Variants in NCBP3 observed in about 807,000 individuals in gnomAD.
The protein encoded by NCBP3 is nuclear cap binding subunit 3.
NCBP3 carries 20 observed loss-of-function variants against 75.7 expected under a neutral mutation model. The ratio of observed to expected loss-of-function variants is 0.26; its 90% confidence interval spans 0.19 to 0.38. The LOEUF (loss-of-function observed/expected upper bound fraction) is 0.38. Ranked by LOEUF, NCBP3 falls within the 10% of genes least tolerant of loss-of-function variation. The pLI, the probability that NCBP3 is intolerant of heterozygous loss-of-function variation, is 1.00. For missense variants in NCBP3, 678 were observed against 796.9 expected, an observed-to-expected ratio of 0.85 and a Z score of 1.80; for synonymous variants, 293 against 290.5, an observed-to-expected ratio of 1.01 and a Z score of -0.09.
At position 3,843,934 on chromosome 17, in the gene NCBP3, T is replaced by C. The variant is rs971101195; in HGVS notation, c.184-783A>G. On this transcript the variant is annotated intron_variant, in intron 1 of 12. Transcript: ENST00000389005. Reference sequence around the variant, plus strand: ...AAGAAGCCCCATCCTAGTGATTCCATGGTATCAATCAACCACTCCAATAAG... The same window carrying C: ...AAGAAGCCCCATCCTAGTGATTCCACGGTATCAATCAACCACTCCAATAAG... 5.3e-5 allele frequency among the ~76,000 whole-genome samples: 8 copies of C among 152,296 alleles called. No homozygotes were observed. In the East Asian group the frequency reaches 5.8e-4, roughly 11 times the overall value.
rs1257271457 is a variant in NCBP3, at chr17:3,804,168, A to G, written c.*8876T>C. 3.9e-5 allele frequency: 6 copies of G among 152,364 alleles called. No individual in the cohort carries two copies. The highest frequency in any genetic ancestry group is 1.4e-4 in the African/African-American group (6 of 41,578). The allele number at this position is 152,364 out of a possible 1,614,324, so 9.4% of individuals were successfully genotyped here. A position where few individuals can be genotyped will look rare whatever the true frequency, so the allele number is the denominator to read the frequency against. On this transcript the variant is annotated 3_prime_UTR_variant, in exon 13 of 13. Coordinates refer to ENST00000389005, the MANE Select transcript of NCBP3 (RefSeq NM_001114118.3). ...GAGCCCAGGAGTTTGAGTCCAATCTAGACAACATAGTATGAACCTGTCTCT... is the reference window on the plus strand; with the variant it reads ...GAGCCCAGGAGTTTGAGTCCAATCTGGACAACATAGTATGAACCTGTCTCT...
At chr17:3,814,540 A>T in intron 11 of NCBP3, 57 bp from the exon 12 acceptor site, 1 of 1,584,712 alleles carries the variant, frequency 6.3e-7, no homozygotes, top group African/African-American at 1.3e-5. Context: ...GCTCGGCACC[A>T]GCCGCCTGAC....
intron 3 of NCBP3, among the ~76,000 whole-genome samples, chr17:3,838,359 G>A (rs1039951727): frequency 2.6e-5 from 4 of 152,368 alleles, no homozygotes; most frequent in Middle Eastern, 6.8e-3. Context: ...ACGCCCTCGC[G>A]GTAGAGTTGT....
chr17:3,824,413 TAC>T (rs199559214), intron 7 of NCBP3: 6,549 of 149,576 alleles, frequency 0.044, 208 homozygotes, highest in Admixed American at 0.093. Flanking sequence ...TATATACACA[TAC>T]ACATACATAC....
At position 3,846,219 on chromosome 17, in the gene NCBP3, G is replaced by A; in HGVS notation, c.5C>T (p.Ala2Val). The A allele has an allele frequency of 2.8e-6, 4 of 1,431,092 alleles. No homozygotes were observed. Among genetic ancestry groups the A allele is most frequent in the African/African-American group, 1.5e-5 (1 of 66,090 alleles). 88.6% of individuals were successfully genotyped at this position (1,431,092 alleles called of 1,614,324 possible). The part of the protein sequence containing the change: M[A>V]AVRGLRVSVK... ...CGACACCCGCAGGCCCCGTACGGCC[G>A]CCATCGCTGCCTGCCGGCCGCACCA... Residue 2 changes from alanine (A) to valine (V), a missense_variant, in exon 1 of 13, where the codon GCG (alanine) becomes GTG (valine). Ala to Val is a moderately conservative substitution (Grantham distance 64). Around this residue, in one of 7 missense-constraint regions of NCBP3, gnomAD observed 76 missense variants for 53.8 expected, o/e 1.41. Coordinates refer to ENST00000389005, the MANE Select transcript of NCBP3 (RefSeq NM_001114118.3). This position sits in a 1 kb window ranked among gnomAD's most constrained non-coding sequence, Gnocchi z 4.6.
Position 3,818,408 on chromosome 17 carries a change from A to T in NCBP3, c.1165T>A (p.Ser389Thr). The T allele has an allele frequency of 1.2e-6, 2 of 1,614,032 alleles. No homozygotes were observed. Among genetic ancestry groups the T allele is most frequent in the Non-Finnish European group, 1.7e-6 (2 of 1,180,004 alleles). Reference sequence around the variant, plus strand: ...GAGCTGCTGGCACTGGATCGTCTAGACGCGCTCCGCTCCCGGGGCTGCTTG... The same window carrying T: ...GAGCTGCTGGCACTGGATCGTCTAGTCGCGCTCCGCTCCCGGGGCTGCTTG... ...ALKQPRERSASRRSSASSSDS... is the reference protein window; with the variant it reads ...ALKQPRERSATRRSSASSSDS... Residue 389 changes from serine to threonine, a missense_variant, in exon 10 of 13, where the codon TCT (serine) becomes ACT (threonine). By Grantham distance (58) the Ser-to-Thr change is moderately conservative (BLOSUM62 1). Coordinates refer to ENST00000389005, the MANE Select transcript of NCBP3 (RefSeq NM_001114118.3). This position sits in a 1 kb window ranked among gnomAD's most constrained non-coding sequence, Gnocchi z 4.7.
At position 3,818,844 on chromosome 17, in the gene NCBP3, T is replaced by C. The variant is rs1352102684; in HGVS notation, c.1001-272A>G. 2.0e-5 allele frequency among the ~76,000 whole-genome samples: 3 copies of C among 152,298 alleles called. No homozygotes were observed. The East Asian group carries it at 5.8e-4, about 29-fold the overall frequency. On this transcript the variant is annotated intron_variant, in intron 9 of 12. Coordinates refer to ENST00000389005, the MANE Select transcript of NCBP3 (RefSeq NM_001114118.3). This position sits in a 1 kb window ranked among gnomAD's most constrained non-coding sequence, Gnocchi z 4.7. ...ATTCACAGATTTTGTATTTGCAAAT[T>C]TACCAAATTTATTTGTAACTCCAAA...
intron 3 of NCBP3, among the ~76,000 whole-genome samples, chr17:3,831,451 T>C (rs1243540966): frequency 6.6e-6 from 1 of 150,436 alleles, no homozygotes; most frequent in South Asian, 2.1e-4. Flanking sequence ...CAGGTGCCTG[T>C]AGTCCCAGCT....
chr17:3,823,051 C>T (rs560972833), intron 7 of NCBP3, among the ~76,000 whole-genome samples: 12 of 152,322 alleles, frequency 7.9e-5, no homozygotes, highest in South Asian at 2.1e-4. Flanking sequence ...CGATGGCTCA[C>T]GCCTGTAATC....
chr17:3,838,209 G>C (rs1383486601), intron 3 of NCBP3, among the ~76,000 whole-genome samples: 1 of 152,162 alleles, frequency 6.6e-6, no homozygotes, highest in African/African-American at 2.4e-5. Context: ...GCTCCACGGG[G>C]GAAGTGACAC....
At chr17:3,831,775 G>C (rs2143689583) in intron 3 of NCBP3, among the ~76,000 whole-genome samples, 1 of 120,802 alleles carries the variant, frequency 8.3e-6, no homozygotes. Flanking sequence ...TAAGAAAATA[G>C]AAAGAACAAG....
At chr17:3,836,876 C>T (rs1032314595) in intron 3 of NCBP3, among the ~76,000 whole-genome samples, 2 of 151,984 alleles carry the variant, frequency 1.3e-5, no homozygotes, top group African/African-American at 2.4e-5. Flanking sequence ...GATGGCCTGG[C>T]GCAATGGCTC....
intron 2 of NCBP3, among the ~76,000 whole-genome samples, chr17:3,842,558 C>T (rs1265977275): frequency 6.6e-6 from 1 of 152,188 alleles, no homozygotes; most frequent in African/African-American, 2.4e-5. Flanking sequence ...TTCTTGGAAA[C>T]GGTTCAACAC....
chr17:3,824,903 T>C, intron 7 of NCBP3, 39 bp downstream of exon 7: 1 of 1,167,020 alleles, frequency 8.6e-7, no homozygotes, highest in Non-Finnish European at 1.2e-6. Flanking sequence ...TAAATCATTT[T>C]GATTGAAAAT....
Position 3,845,148 on chromosome 17 carries a change from T to C in NCBP3, c.183+893A>G, listed in dbSNP as rs74961020. ...GCACTAAAGGCGTGCACGGCCAGTA[T>C]ATTTAAGTGACACAATATAGTGAAT... On this transcript the variant is annotated intron_variant, in intron 1 of 12. Coordinates refer to ENST00000389005, the MANE Select transcript of NCBP3 (RefSeq NM_001114118.3). Among the ~76,000 whole-genome samples, 840 of 152,304 alleles carry C rather than the reference T, an allele frequency of 5.5e-3. 7 individuals are homozygous for C. Among genetic ancestry groups the C allele is most frequent in the Middle Eastern group, 0.017 (5 of 294 alleles).
At chr17:3,844,131 T>G (rs888363471) in intron 1 of NCBP3, among the ~76,000 whole-genome samples, 1 of 151,996 alleles carries the variant, frequency 6.6e-6, no homozygotes, top group East Asian at 1.9e-4. Flanking sequence ...AGCACAACCC[T>G]CCACCTCAAC....
chr17:3,839,521 T>C (rs1470222276), intron 3 of NCBP3, among the ~76,000 whole-genome samples: 2 of 152,140 alleles, frequency 1.3e-5, no homozygotes, highest in Non-Finnish European at 2.9e-5. Flanking sequence ...CTGATTTTTG[T>C]AGTTTTAGTA....
chr17:3,814,000 A>C (rs2053476433), intron 12 of NCBP3, among the ~76,000 whole-genome samples: 1 of 152,204 alleles, frequency 6.6e-6, no homozygotes, highest in African/African-American at 2.4e-5. Flanking sequence ...AAAATGTGGC[A>C]AACAACTACG....
At chr17:3,821,110 C>A in intron 9 of NCBP3, 139 bp downstream of exon 9, 1 of 523,088 alleles carries the variant, frequency 1.9e-6, no homozygotes, top group South Asian at 3.0e-5. Flanking sequence ...ACTTGACTTA[C>A]TTTCCTATAT....
Sources: allele counts gnomAD v4.1 joint callset (sites outside exome capture counted in the v4.1 genomes callset), GRCh38; gene constraint gnomAD v4.1.1; regional missense constraint gnomAD v4.1.1; non-coding constraint Gnocchi (gnomAD v3.1); transcripts MANE v1.5; gene names NCBI Gene and HGNC (gene_info 2026-07-23, HGNC 2026-07-21).